Variants in PITPNA observed in about 807,000 individuals in gnomAD.
PITPNA encodes the protein phosphatidylinositol transfer protein alpha.
Under a neutral mutation model 50.3 loss-of-function variants are expected in PITPNA, and 13 were observed. The observed-to-expected ratio is 0.26, with a 90% CI of 0.17 to 0.41. PITPNA has a LOEUF of 0.41. Ranked by LOEUF, PITPNA falls within the 10% of genes least tolerant of loss-of-function variation. PITPNA has a pLI of 1.00. For missense variants in PITPNA, 207 were observed against 333.4 expected (o/e 0.62, Z 2.95); for synonymous variants, 120 against 119.6 (o/e 1.00, Z -0.02).
chr17:1,557,235 C>A (rs377358104), intron 2 of PITPNA, among the ~76,000 whole-genome samples: 1 of 152,206 alleles, frequency 6.6e-6, no homozygotes, highest in African/African-American at 2.4e-5. Context: ...ATGTAGCCCA[C>A]CCCTGGAGGC....
chr17:1,525,681 G>C lies in PITPNA; in HGVS notation c.769-4036C>G, dbSNP rs143959830. On this transcript the variant is annotated intron_variant, in intron 10 of 11. Transcript: ENST00000313486. ...TTACAGGCATGTGCCACCATGCCTG[G>C]CTAATTTTCTATTTTTAGTAGAGAC... 1.0e-3 allele frequency among the ~76,000 whole-genome samples: 152 copies of C among 152,044 alleles called. 3 individuals carry two copies. The East Asian group carries it at 0.027, about 27-fold the overall frequency.
chr17:1,542,869 G>A (rs1598409456), intron 5 of PITPNA, 151 bp downstream of exon 5: 4 of 606,714 alleles, frequency 6.6e-6, no homozygotes, highest in Non-Finnish European at 1.2e-5. Flanking sequence ...CAGTTAACAG[G>A]TTCCTTGTTA....
chr17:1,551,130 G>A (rs531827472), intron 3 of PITPNA, among the ~76,000 whole-genome samples: 2 of 152,078 alleles, frequency 1.3e-5, no homozygotes, highest in South Asian at 4.2e-4. Context: ...CGGAGTCAGC[G>A]GGGCCTGATG....
chr17:1,562,484 C>T lies in PITPNA; in HGVS notation c.20+57G>A. 1 of 1,361,208 alleles carries T rather than the reference C, an allele frequency of 7.3e-7. No individual in the cohort carries two copies. 84.3% of individuals were successfully genotyped at this position (1,361,208 alleles called of 1,614,324 possible). ...TGCGTCCCTCGCCGCGCCGTCGCCC[C>T]GGCGGCCGTCCCCACCCTCCCTCCT... On this transcript the variant is annotated intron_variant, in intron 1 of 11. Transcript: ENST00000313486. This position sits in a 1 kb window ranked among gnomAD's most constrained non-coding sequence, Gnocchi z 6.4.
At chr17:1,540,717 T>C (rs1199612926) in intron 6 of PITPNA, among the ~76,000 whole-genome samples, 3 of 151,936 alleles carry the variant, frequency 2.0e-5, no homozygotes, top group Non-Finnish European at 2.9e-5. Flanking sequence ...GCCTCCTGAG[T>C]AGCTGGGACT....
At chr17:1,551,143 A>G (rs529617219) in intron 3 of PITPNA, among the ~76,000 whole-genome samples, 14 of 152,248 alleles carry the variant, frequency 9.2e-5, no homozygotes, top group African/African-American at 2.6e-4. Context: ...GCCTGATGCG[A>G]TAAGAAGGGC....
rs984353374 is a variant in PITPNA at position 1,562,459 on chromosome 17, T to C, written c.20+82A>G. On this transcript the variant is annotated intron_variant, in intron 1 of 11. Coordinates refer to ENST00000313486, the MANE Select transcript of PITPNA (RefSeq NM_006224.4). The surrounding 1 kb of genome is among the most constrained non-coding windows in gnomAD (Gnocchi z 6.4). ...GCTGCCCCTCCGTCCATCCGGGCCC[T>C]GCGTCCCTCGCCGCGCCGTCGCCCC... The C allele has an allele frequency of 3.4e-6, 4 of 1,185,022 alleles. No homozygotes were observed. The highest frequency in any genetic ancestry group is 1.6e-5 in the South Asian group (1 of 61,702). The allele number at this position is 1,185,022 out of a possible 1,614,324, so 73.4% of individuals were successfully genotyped here. A position where few individuals can be genotyped will look rare whatever the true frequency, so the allele number is the denominator to read the frequency against.
At chr17:1,534,320 G>C in intron 9 of PITPNA, 99 bp from the exon 10 acceptor site, 1 of 1,454,816 alleles carries the variant, frequency 6.9e-7, no homozygotes, top group Non-Finnish European at 9.5e-7. Flanking sequence ...CACTAGACTG[G>C]GGACGGGCGG....
intron 5 of PITPNA, among the ~76,000 whole-genome samples, chr17:1,542,563 C>T (rs1386619955): frequency 6.6e-6 from 1 of 152,164 alleles, no homozygotes; most frequent in Non-Finnish European, 1.5e-5. Context: ...ACAAGGCACT[C>T]AGATGAGTGT....
chr17:1,534,291 C>T, intron 9 of PITPNA, 70 bp from the exon 10 acceptor site: 14 of 1,593,238 alleles, frequency 8.8e-6, no homozygotes, highest in Non-Finnish European at 1.2e-5. Flanking sequence ...TCTCTCCATG[C>T]ACTCCACACG....
intron 10 of PITPNA, 51 bp from the exon 11 acceptor site, chr17:1,521,696 T>G: frequency 6.7e-7 from 1 of 1,492,482 alleles, no homozygotes; most frequent in Non-Finnish European, 9.3e-7. Context: ...CTGATGGAAC[T>G]CCTGCCTTCT....
chr17:1,548,280 C>G lies in PITPNA; in HGVS notation c.289+16G>C. The G allele has an allele frequency of 6.4e-7, 1 of 1,565,498 alleles. No homozygotes were observed. The highest frequency in any genetic ancestry group is 8.7e-7 in the Non-Finnish European group (1 of 1,149,330). ...GCCCGCCCCTGCCTGGCCGACGTGGCCCCGGCTGCACTCACCGGTTCTGCA... is the reference window on the plus strand; with the variant it reads ...GCCCGCCCCTGCCTGGCCGACGTGGGCCCGGCTGCACTCACCGGTTCTGCA... On this transcript the variant is annotated intron_variant, in intron 4 of 11. Coordinates refer to ENST00000313486, the MANE Select transcript of PITPNA (RefSeq NM_006224.4).
rs2075498800 is a variant in PITPNA at position 1,519,889 on chromosome 17, T to C, written c.*672A>G. On this transcript the variant is annotated 3_prime_UTR_variant, in exon 12 of 12. Transcript: ENST00000313486. Reference sequence around the variant, plus strand: ...CACAGGTGTTTCTAAGAGTAGTAACTAGAGATTCAGTGATTGGGACAGGGT... The same window carrying C: ...CACAGGTGTTTCTAAGAGTAGTAACCAGAGATTCAGTGATTGGGACAGGGT... 6.6e-6 allele frequency: 1 copy of C among 152,224 alleles called. No individual in the cohort carries two copies. The highest frequency in any genetic ancestry group is 2.1e-4 in the South Asian group (1 of 4,828). The allele number at this position is 152,224 out of a possible 1,614,324, so 9.4% of individuals were successfully genotyped here.
intron 10 of PITPNA, among the ~76,000 whole-genome samples, chr17:1,525,621 C>T (rs868706077): frequency 3.3e-5 from 5 of 150,950 alleles, no homozygotes; most frequent in African/African-American, 1.2e-4. Flanking sequence ...CGGGTTCAGG[C>T]GATTCTCCTG....
chr17:1,546,351 C>G (rs564441946), intron 4 of PITPNA, among the ~76,000 whole-genome samples: 2 of 152,254 alleles, frequency 1.3e-5, no homozygotes, highest in Admixed American at 1.3e-4. Flanking sequence ...TTACACATCC[C>G]AGACCCCACC....
chr17:1,542,348 A>G (rs1011028082), intron 5 of PITPNA, among the ~76,000 whole-genome samples: 3 of 152,162 alleles, frequency 2.0e-5, no homozygotes, highest in Non-Finnish European at 4.4e-5. Context: ...GAAGATACTC[A>G]CCATGGCCCC....
chr17:1,521,912 G>T (rs1172748676), intron 10 of PITPNA, among the ~76,000 whole-genome samples: 16 of 148,686 alleles, frequency 1.1e-4, no homozygotes, highest in Admixed American at 2.0e-4. Context: ...GGTGTGTGTG[G>T]GGGGGTCTTC....
chr17:1,526,691 G>A (rs1198972330), intron 10 of PITPNA, among the ~76,000 whole-genome samples: 1 of 152,116 alleles, frequency 6.6e-6, no homozygotes, highest in Non-Finnish European at 1.5e-5. Context: ...CCTCCTACCA[G>A]GAACATGATA....
intron 2 of PITPNA, among the ~76,000 whole-genome samples, chr17:1,555,812 A>G (rs1269058758): frequency 6.6e-6 from 1 of 152,208 alleles, no homozygotes; most frequent in African/African-American, 2.4e-5. Flanking sequence ...GCCAGGAAGC[A>G]CTGGTGGACA....
Sources: gnomAD v4.1 joint callset for allele counts (sites outside exome capture counted in the v4.1 genomes callset) on GRCh38, gnomAD v4.1.1 for gene constraint, Gnocchi (gnomAD v3.1) non-coding constraint, MANE v1.5 for transcripts, NCBI Gene and HGNC (gene_info 2026-07-23, HGNC 2026-07-21) for gene names.